The following TMEM232 variants were observed in gnomAD, a reference collection of about 807,000 sequenced individuals.
TMEM232 encodes transmembrane protein 232.
TMEM232 carries 80 observed loss-of-function variants against 78.8 expected under a neutral mutation model. The observed-to-expected ratio is 1.01, with a 90% CI of 0.85 to 1.22. TMEM232 has a LOEUF of 1.22. TMEM232 is among the 50% of genes most tolerant of loss of function. The probability of loss-of-function intolerance (pLI) is 0.00; values close to 1 mark genes in which losing one functional copy is unlikely to be tolerated. For missense variants in TMEM232, 881 were observed against 742.2 expected (o/e 1.19, Z -2.17); for synonymous variants, 297 against 254.3 (o/e 1.17, Z -1.60).
At chr5:110,455,802 T>G (rs1760837826) in intron 12 of TMEM232, among the ~76,000 whole-genome samples, 1 of 152,044 alleles carries the variant, frequency 6.6e-6, no homozygotes, top group South Asian at 2.1e-4. Context: ...CTTTCAACAT[T>G]GAAAAAATCA....
chr5:110,727,967 C>A (rs1798320087), upstream of TMEM232, among the ~76,000 whole-genome samples: 3 of 152,138 alleles, frequency 2.0e-5, no homozygotes, highest in East Asian at 5.8e-4. Flanking sequence ...AGCCTGGGGG[C>A]TTGCTTGTTT....
intron 12 of TMEM232, among the ~76,000 whole-genome samples, chr5:110,451,055 A>G (rs1272268482): frequency 3.9e-5 from 6 of 152,156 alleles, no homozygotes; most frequent in African/African-American, 9.7e-5. Flanking sequence ...TCATCTCAGA[A>G]GGAATACCGC....
chr5:110,414,944 A>G (rs1170776412), downstream of TMEM232, among the ~76,000 whole-genome samples: 3 of 152,170 alleles, frequency 2.0e-5, no homozygotes, highest in Non-Finnish European at 4.4e-5. Flanking sequence ...CTAATACCAG[A>G]GACCTGTCTC....
chr5:110,594,701 C>T lies in TMEM232; in HGVS notation c.1276+10408G>A, dbSNP rs576944635. 3.1e-3 allele frequency among the ~76,000 whole-genome samples: 476 copies of T among 152,300 alleles called. 3 individuals carry two copies. Among genetic ancestry groups the T allele is most frequent in the African/African-American group, 0.011 (450 of 41,568 alleles). ...TAAGGAAGCCAAACTCACTGCAGCA[C>T]GGCAAAGCAGCTGTGGCCAGACTGC... is the stretch of plus-strand genomic sequence containing the variant. On this transcript the variant is annotated intron_variant, in intron 10 of 13. Coordinates refer to ENST00000455884, the MANE Select transcript of TMEM232 (RefSeq NM_001039763.4).
intron 1 of TMEM232, among the ~76,000 whole-genome samples, chr5:110,682,587 T>C (rs927637572): frequency 3.3e-5 from 5 of 152,154 alleles, no homozygotes; most frequent in Admixed American, 6.6e-5. Flanking sequence ...TTATCTGAAA[T>C]GGCCAAAAAA....
At chr5:110,657,791 G>A (rs1789283873) in intron 2 of TMEM232, among the ~76,000 whole-genome samples, 1 of 151,774 alleles carries the variant, frequency 6.6e-6, no homozygotes, top group South Asian at 2.1e-4. Flanking sequence ...TAAAGTGGTG[G>A]AGATCTTTAA....
At chr5:110,726,893 C>A (rs1465978238), upstream of TMEM232, 1 of 152,182 alleles carries the variant, frequency 6.6e-6, no homozygotes, top group East Asian at 1.9e-4. Context: ...ACTTGCATAT[C>A]CTGCAAGAAG....
At chr5:110,449,275 G>A (rs951622835) in intron 12 of TMEM232, among the ~76,000 whole-genome samples, 10 of 151,878 alleles carry the variant, frequency 6.6e-5, no homozygotes, top group Non-Finnish European at 2.9e-5. Flanking sequence ...AAGGAAATAT[G>A]CCAAATTAAC....
intron 12 of TMEM232, among the ~76,000 whole-genome samples, chr5:110,516,781 CAAATT>C (rs751039435): frequency 1.3e-4 from 19 of 151,918 alleles, no homozygotes; most frequent in Non-Finnish European, 2.5e-4. Flanking sequence ...TGTTCATAGA[CAAATT>C]AAAGACAAAA....
intron 10 of TMEM232, among the ~76,000 whole-genome samples, chr5:110,586,999 TCAGTGGGAAA>T (rs1386546462): frequency 6.6e-6 from 1 of 152,112 alleles, no homozygotes; most frequent in East Asian, 1.9e-4. Context: ...CAACACAATT[TCAGTGGGAAA>T]ATCGCAAGTT....
intron 11 of TMEM232, among the ~76,000 whole-genome samples, chr5:110,551,225 TTTTG>T (rs200503381): frequency 0.015 from 2,324 of 152,004 alleles, 29 homozygotes; most frequent in African/African-American, 0.019. Flanking sequence ...GTTTGTTTGT[TTTTG>T]TTTGTTTGTT....
chr5:110,530,672 A>G (rs1165483124), intron 11 of TMEM232, among the ~76,000 whole-genome samples: 1 of 152,246 alleles, frequency 6.6e-6, no homozygotes, highest in East Asian at 1.9e-4. Flanking sequence ...AAAATCTAAA[A>G]TGTTGATCTC....
intron 12 of TMEM232, among the ~76,000 whole-genome samples, chr5:110,528,061 T>C (rs1241239111): frequency 2.6e-5 from 4 of 151,848 alleles, no homozygotes; most frequent in African/African-American, 9.7e-5. Flanking sequence ...AAATCTACCA[T>C]TGAAGAAATG....
chr5:110,693,555 A>G (rs544797274), intron 1 of TMEM232, among the ~76,000 whole-genome samples: 2 of 152,340 alleles, frequency 1.3e-5, no homozygotes, highest in East Asian at 3.9e-4. Flanking sequence ...AAAAACCCTG[A>G]AAAACGATTA....
chr5:110,501,624 G>T (rs557476361), intron 12 of TMEM232, among the ~76,000 whole-genome samples: 1 of 152,046 alleles, frequency 6.6e-6, no homozygotes. Context: ...GAAATAACTC[G>T]CAGGTCCCAA....
At chr5:110,489,490 A>G (rs1764806375) in intron 12 of TMEM232, among the ~76,000 whole-genome samples, 1 of 152,130 alleles carries the variant, frequency 6.6e-6, no homozygotes, top group Non-Finnish European at 1.5e-5. Context: ...TCAAAATAGG[A>G]ATGTAAGGCA....
At chr5:110,508,407 A>G (rs1255679001) in intron 12 of TMEM232, among the ~76,000 whole-genome samples, 1 of 150,928 alleles carries the variant, frequency 6.6e-6, no homozygotes, top group Non-Finnish European at 1.5e-5. Flanking sequence ...TTATATATAT[A>G]TAAAATACAT....
chr5:110,446,319 G>A (rs1759642854), intron 12 of TMEM232, among the ~76,000 whole-genome samples: 1 of 152,166 alleles, frequency 6.6e-6, no homozygotes. Flanking sequence ...AGGTTTTTAA[G>A]TAGTAAAATG....
chr5:110,578,762 G>A (rs1777845569), intron 10 of TMEM232, among the ~76,000 whole-genome samples: 1 of 151,784 alleles, frequency 6.6e-6, no homozygotes, highest in Non-Finnish European at 1.5e-5. Context: ...CTTTTCTATC[G>A]TGGAAACATC....
Sources: gnomAD v4.1 joint callset for allele counts (sites outside exome capture counted in the v4.1 genomes callset) on GRCh38, gnomAD v4.1.1 for gene constraint, MANE v1.5 for transcripts, NCBI Gene and HGNC (gene_info 2026-07-23, HGNC 2026-07-21) for gene names.